Variants in EPAS1 observed in about 807,000 individuals in gnomAD.
EPAS1 encodes endothelial PAS domain-containing protein 1.
In EPAS1, 23 loss-of-function variants were observed where a neutral mutation model predicts 87.9. The ratio of observed to expected loss-of-function variants is 0.26; its 90% CI spans 0.19 to 0.37. EPAS1 has a LOEUF of 0.37. Ranked by LOEUF, EPAS1 falls within the 10% of genes least tolerant of loss-of-function variation. The probability of loss-of-function intolerance (pLI) is 1.00; values close to 1 mark genes in which losing one functional copy is unlikely to be tolerated. For missense variants in EPAS1, 1,138 were observed against 1,120.7 expected (o/e 1.02, Z -0.22); for synonymous variants, 508 against 444.3 (o/e 1.14, Z -1.80).
At chr2:46,366,420 C>T (rs1033265908) in intron 6 of EPAS1, among the ~76,000 whole-genome samples, 1 of 152,222 alleles carries the variant, frequency 6.6e-6, no homozygotes, top group African/African-American at 2.4e-5. Context: ...GTAACACCAA[C>T]TTCAGAATTT....
intron 2 of EPAS1, among the ~76,000 whole-genome samples, chr2:46,351,100 C>T (rs555554192): frequency 1.3e-5 from 2 of 152,290 alleles, no homozygotes; most frequent in African/African-American, 4.8e-5. Flanking sequence ...CCCCTTTGTC[C>T]CACCCACTCC....
intron 7 of EPAS1, among the ~76,000 whole-genome samples, chr2:46,374,731 A>T (rs1406198598): frequency 1.3e-5 from 2 of 152,196 alleles, no homozygotes; most frequent in African/African-American, 2.4e-5. Context: ...AAATACCAAA[A>T]ATTCTAACAT....
chr2:46,360,675 A>T lies in EPAS1; in HGVS notation c.492A>T (p.Thr164=). The T allele has an allele frequency of 3.1e-6, 5 of 1,614,056 alleles. No individual in the cohort carries two copies. Among genetic ancestry groups the T allele is most frequent in the Non-Finnish European group, 4.2e-6 (5 of 1,180,032 alleles). The part of the protein sequence containing the change: ...GFGKKSKDMS[T]ERDFFMRMKC... ...GGAAAAAAAGCAAAGACATGTCCAC[A>T]GAGCGGGACTTCTTCATGAGGATGA... Residue 164 remains threonine, a synonymous_variant, in exon 5 of 16, where the codon ACA becomes ACT. Coordinates refer to ENST00000263734, the MANE Select transcript of EPAS1 (RefSeq NM_001430.5). The surrounding 1 kb of genome is among the most constrained non-coding windows in gnomAD (Gnocchi z 4.5).
intron 9 of EPAS1, 60 bp downstream of exon 9, chr2:46,376,813 T>C (rs1393696109): frequency 1.3e-6 from 2 of 1,570,872 alleles, no homozygotes; most frequent in East Asian, 4.5e-5. Flanking sequence ...GAAGAGTTCT[T>C]ACTATAACAG....
intron 4 of EPAS1, among the ~76,000 whole-genome samples, chr2:46,359,275 A>AAAAAAAAAAAAAAAAAAAAAAAAAAC (rs1684337542): frequency 6.7e-6 from 1 of 148,820 alleles, no homozygotes; most frequent in Non-Finnish European, 1.5e-5. Flanking sequence ...AAAAAAAAAA[A>AAAAAAAAAAAAAAAAAAAAAAAAAAC]AAAAAAGATC....
intron 1 of EPAS1, among the ~76,000 whole-genome samples, chr2:46,298,376 A>G (rs986195286): frequency 6.6e-5 from 10 of 152,234 alleles, no homozygotes. Context: ...GAGTCCTTCC[A>G]AATGCGCTCC....
At chr2:46,329,802 GC>G (rs1430156847) in intron 1 of EPAS1, among the ~76,000 whole-genome samples, 1 of 152,122 alleles carries the variant, frequency 6.6e-6, no homozygotes, top group Non-Finnish European at 1.5e-5. Context: ...GGGTGACAGA[GC>G]AAGACTCCAT....
intron 1 of EPAS1, among the ~76,000 whole-genome samples, chr2:46,332,285 A>C (rs1226772939): frequency 7.2e-6 from 1 of 138,676 alleles, no homozygotes; most frequent in African/African-American, 2.7e-5. Context: ...AAAAAAAAAA[A>C]AAATACGTGT....
In EPAS1 at chr2:46,366,611, A is replaced by G. The variant is rs1289250244; in HGVS notation, c.780-3216A>G. On this transcript the variant is annotated intron_variant, in intron 6 of 15. Coordinates refer to ENST00000263734, the MANE Select transcript of EPAS1 (RefSeq NM_001430.5). The stretch of plus-strand genomic sequence containing the variant: ...AATCTGGTGAATTAAGTCCTTGTAC[A>G]TTTCTCTCTTCTCTTAGAACAGCCC... 4.6e-5 allele frequency among the ~76,000 whole-genome samples: 7 copies of G among 152,148 alleles called. No homozygotes were observed. The East Asian group carries it at 5.8e-4, about 13-fold the overall frequency.
At chr2:46,378,115 CAGAG>C (rs773151643) in intron 10 of EPAS1, 28 bp downstream of exon 10, 3 of 1,572,400 alleles carry the variant, frequency 1.9e-6, no homozygotes, top group Non-Finnish European at 2.6e-6. Flanking sequence ...GGCGAGGACA[CAGAG>C]AGGGCTCCGT....
intron 15 of EPAS1, 32 bp downstream of exon 15, chr2:46,382,630 C>G (rs1302121055): frequency 6.2e-7 from 1 of 1,613,332 alleles, no homozygotes; most frequent in African/African-American, 1.3e-5. Flanking sequence ...CACCCCCATC[C>G]CAGGATTCGA....
chr2:46,378,148 A>G lies in EPAS1; in HGVS notation c.1443+61A>G, dbSNP rs17035085. On this transcript the variant is annotated intron_variant, in intron 10 of 15. Transcript: ENST00000263734. ...GCTCCGTATGTATGACTGCTGCCAG[A>G]TGGCTGAAGGGACATTTGGGACAGG... 72,909 of 1,541,814 alleles carry G rather than the reference A, an allele frequency of 0.047. 4,177 individuals are homozygous for G. Among genetic ancestry groups the G allele is most frequent in the African/African-American group, 0.29 (21,048 of 73,170 alleles).
chr2:46,378,717 G>C lies in EPAS1; in HGVS notation c.1504G>C (p.Glu502Gln). 2 of 1,614,198 alleles carry C rather than the reference G, an allele frequency of 1.2e-6. No homozygotes were observed. Among genetic ancestry groups the C allele is most frequent in the Non-Finnish European group, 1.7e-6 (2 of 1,180,016 alleles). Residue 502 changes from glutamate to glutamine, a missense_variant, in exon 11 of 16, where the codon GAG becomes CAG. Around this residue, in one of 4 missense-constraint regions of EPAS1, gnomAD observed 284 missense variants for 258.4 expected, o/e 1.10. Transcript: ENST00000263734. ...LDNDLKIEVIEKLFAMDTEAK... is the reference protein window; with the variant it reads ...LDNDLKIEVIQKLFAMDTEAK... ...TAACGACCTGAAGATTGAAGTGATT[G>C]AGAAGCTCTTCGCCATGGACACAGA... is the stretch of plus-strand genomic sequence containing the variant.
chr2:46,384,831 A>C lies in EPAS1; in HGVS notation c.*171A>C. On this transcript the variant is annotated 3_prime_UTR_variant, in exon 16 of 16. Transcript: ENST00000263734. ...GCAGTGGCCTTTTTCTGAGATGCTC[A>C]CTTTATTATCCCTATTTTTAAAGTA... The C allele has an allele frequency of 1.4e-6, 1 of 729,676 alleles. No homozygotes were observed. The highest frequency in any genetic ancestry group is 2.3e-6 in the Non-Finnish European group (1 of 438,210). The allele number at this position is 729,676 out of a possible 1,614,324, so 45.2% of individuals were successfully genotyped here.
chr2:46,346,783 C>A lies in EPAS1; in HGVS notation c.27-90C>A. 7.1e-7 allele frequency: 1 copy of A among 1,403,754 alleles called. No homozygotes were observed. The highest frequency in any genetic ancestry group is 1.2e-5 in the South Asian group (1 of 83,050). 87.0% of individuals were successfully genotyped at this position (1,403,754 alleles called of 1,614,324 possible). On this transcript the variant is annotated intron_variant, in intron 1 of 15. Transcript: ENST00000263734. The surrounding 1 kb of genome is among the most constrained non-coding windows in gnomAD (Gnocchi z 4.0). ...AGTCTAGTAAGGGAGTGTGGCTGCA[C>A]TGGGGGTTGGGGCCATGGGGATGTC...
intron 1 of EPAS1, among the ~76,000 whole-genome samples, chr2:46,329,342 G>T (rs1683626848): frequency 6.6e-6 from 1 of 152,150 alleles, no homozygotes; most frequent in South Asian, 2.1e-4. Flanking sequence ...TGCAAGACAG[G>T]AGGGGAACGT....
At chr2:46,305,777 A>G (rs1683100499) in intron 1 of EPAS1, among the ~76,000 whole-genome samples, 1 of 152,190 alleles carries the variant, frequency 6.6e-6, no homozygotes, top group Admixed American at 6.5e-5. Context: ...AGTGGTAGCA[A>G]TCTTAACAAA....
At chr2:46,342,901 A>T (rs1334432340) in intron 1 of EPAS1, among the ~76,000 whole-genome samples, 1 of 152,148 alleles carries the variant, frequency 6.6e-6, no homozygotes, top group Non-Finnish European at 1.5e-5. Context: ...GTGGTTGTTA[A>T]CTTTAGCTGG....
At chr2:46,313,526 A>T (rs1190662) in intron 1 of EPAS1, among the ~76,000 whole-genome samples, 2 of 152,002 alleles carry the variant, frequency 1.3e-5, no homozygotes, top group African/African-American at 4.8e-5. Context: ...ATCTCAGCTC[A>T]CTGCAACCTC....
Sources: allele counts gnomAD v4.1 joint callset (sites outside exome capture counted in the v4.1 genomes callset), GRCh38; gene constraint gnomAD v4.1.1; regional missense constraint gnomAD v4.1.1; non-coding constraint Gnocchi (gnomAD v3.1); transcripts MANE v1.5; gene names NCBI Gene and HGNC (gene_info 2026-07-23, HGNC 2026-07-21).